The following TXNRD1 variants were observed in gnomAD, a reference collection of about 807,000 sequenced individuals.
TXNRD1 encodes thioredoxin reductase 1, cytoplasmic.
TXNRD1 carries 57 observed loss-of-function variants against 80.3 expected under a neutral mutation model. That is an observed-to-expected ratio of 0.71 (90% CI 0.57 to 0.89). The LOEUF (loss-of-function observed/expected upper bound fraction) is 0.89, where lower values mean the gene tolerates loss of function less well. Ranked by LOEUF, TXNRD1 falls within the 40% of genes least tolerant of loss-of-function variation. The probability of loss-of-function intolerance (pLI) is 0.00; values close to 1 mark genes in which losing one functional copy is unlikely to be tolerated. For synonymous variants in TXNRD1, 291 were observed against 285.2 expected, an observed-to-expected ratio of 1.02 and a Z score of -0.20; for missense variants, 730 against 803.0, an observed-to-expected ratio of 0.91 and a Z score of 1.10.
intron 15 of TXNRD1, among the ~76,000 whole-genome samples, chr12:104,337,321 G>A (rs1247549399): frequency 1.3e-5 from 2 of 151,916 alleles, no homozygotes; most frequent in Non-Finnish European, 2.9e-5. Context: ...TTTCCAGGGA[G>A]TGATGGAACC....
At chr12:104,266,573 CTG>C (rs2033493423) in intron 3 of TXNRD1, among the ~76,000 whole-genome samples, 1 of 150,850 alleles carries the variant, frequency 6.6e-6, no homozygotes, top group African/African-American at 2.4e-5. Flanking sequence ...CGGCTCACGA[CTG>C]TAATCCCAGC....
intron 10 of TXNRD1, among the ~76,000 whole-genome samples, chr12:104,323,660 C>G (rs1339040915): frequency 2.1e-5 from 2 of 93,620 alleles, no homozygotes; most frequent in Admixed American, 9.3e-5. Flanking sequence ...CCGGACGGGG[C>G]GGCTGGCCGG....
At chr12:104,316,889 A>G (rs1439190848) in intron 7 of TXNRD1, among the ~76,000 whole-genome samples, 2 of 152,140 alleles carry the variant, frequency 1.3e-5, no homozygotes, top group Non-Finnish European at 2.9e-5. Context: ...CAGGATAAAC[A>G]TTTTGTGGCT....
intron 1 of TXNRD1, among the ~76,000 whole-genome samples, chr12:104,241,109 G>A (rs977960792): frequency 1.3e-5 from 2 of 150,976 alleles, no homozygotes; most frequent in Non-Finnish European, 2.9e-5. Flanking sequence ...GCATGGTCTC[G>A]GCTCACTGCA....
intron 2 of TXNRD1, among the ~76,000 whole-genome samples, chr12:104,253,763 G>A (rs1242590691): frequency 4.0e-5 from 6 of 151,560 alleles, no homozygotes; most frequent in Admixed American, 2.6e-4. Context: ...GTGTGATCTC[G>A]GCTCGCTGCA....
intron 1 of TXNRD1, among the ~76,000 whole-genome samples, chr12:104,237,896 G>T (rs1054836345): frequency 6.6e-6 from 1 of 151,694 alleles, no homozygotes; most frequent in Non-Finnish European, 1.5e-5. Context: ...CTGTAGTCCC[G>T]GCTACTCGGG....
intron 1 of TXNRD1, among the ~76,000 whole-genome samples, chr12:104,246,370 G>A (rs1167774739): frequency 6.6e-6 from 1 of 151,350 alleles, no homozygotes; most frequent in Non-Finnish European, 1.5e-5. Flanking sequence ...GGAACTTGCA[G>A]TGAGCCAAGA....
chr12:104,256,051 T>A (rs2033242321), intron 2 of TXNRD1, among the ~76,000 whole-genome samples: 1 of 152,200 alleles, frequency 6.6e-6, no homozygotes, highest in African/African-American at 2.4e-5. Context: ...CTGTTCACAT[T>A]TATTTATTTA....
chr12:104,241,419 T>A (rs1010579836), intron 1 of TXNRD1, among the ~76,000 whole-genome samples: 41 of 152,096 alleles, frequency 2.7e-4, no homozygotes, highest in African/African-American at 9.4e-4. Flanking sequence ...TTGCCCAGGC[T>A]GGAGAGCAAT....
chr12:104,329,297 A>T (rs1390552552), intron 13 of TXNRD1, among the ~76,000 whole-genome samples: 1 of 151,626 alleles, frequency 6.6e-6, no homozygotes, highest in Non-Finnish European at 1.5e-5. Flanking sequence ...TCTTAAATTC[A>T]TGTCTCAGTG....
intron 4 of TXNRD1, among the ~76,000 whole-genome samples, chr12:104,291,664 A>G (rs2034220960): frequency 6.6e-6 from 1 of 151,886 alleles, no homozygotes; most frequent in Admixed American, 6.6e-5. Flanking sequence ...TTGTATTTTT[A>G]GTAGAGACAA....
At chr12:104,220,948 A>G (rs1338371302) in intron 1 of TXNRD1, among the ~76,000 whole-genome samples, 2 of 152,326 alleles carry the variant, frequency 1.3e-5, no homozygotes, top group East Asian at 3.9e-4. Flanking sequence ...ATAAATGACT[A>G]TCACAAATCA....
intron 4 of TXNRD1, chr12:104,304,624 C>T (rs777230205): frequency 6.2e-7 from 1 of 1,613,856 alleles, no homozygotes; most frequent in Non-Finnish European, 8.5e-7. Context: ...TGTTGCAAAC[C>T]TACTTTCGAA....
At chr12:104,346,400 A>AG (rs1032614756) in intron 16 of TXNRD1, among the ~76,000 whole-genome samples, 1 of 152,240 alleles carries the variant, frequency 6.6e-6, no homozygotes, top group Admixed American at 6.5e-5. Flanking sequence ...GAAAAAACAG[A>AG]TAAGAGCTCA....
chr12:104,322,374 C>CTTTTTTTTTT (rs58288808), intron 10 of TXNRD1, among the ~76,000 whole-genome samples: 1 of 61,544 alleles, frequency 1.6e-5, no homozygotes, highest in Non-Finnish European at 2.9e-5. Flanking sequence ...TTATTTTTAC[C>CTTTTTTTTTT]TTTTTTTTTT....
intron 5 of TXNRD1, among the ~76,000 whole-genome samples, chr12:104,312,072 A>G (rs1240104515): frequency 6.6e-6 from 1 of 151,922 alleles, no homozygotes; most frequent in Non-Finnish European, 1.5e-5. Flanking sequence ...TTAAGCAAAT[A>G]TATTTCTTAG....
chr12:104,287,500 G>A, intron 3 of TXNRD1: 1 of 1,604,294 alleles, frequency 6.2e-7, no homozygotes, highest in Non-Finnish European at 8.5e-7. Context: ...TGGACTGACA[G>A]ATCCTTGAGA....
At chr12:104,254,644 A>ATATATATATATATATATATATATAT (rs1555207848) in intron 2 of TXNRD1, among the ~76,000 whole-genome samples, 13 of 93,630 alleles carry the variant, frequency 1.4e-4, no homozygotes, top group Admixed American at 2.6e-4. Context: ...AAAAAAAAAA[A>ATATATATATATATATATATATATAT]ATATATATAT....
intron 1 of TXNRD1, among the ~76,000 whole-genome samples, chr12:104,235,780 A>T (rs1328813107): frequency 6.6e-6 from 1 of 152,184 alleles, no homozygotes; most frequent in Admixed American, 6.5e-5. Flanking sequence ...AATGGTCAGT[A>T]ACAAACTTAG....
Sources: gnomAD v4.1 joint callset for allele counts (sites outside exome capture counted in the v4.1 genomes callset) on GRCh38, gnomAD v4.1.1 for gene constraint, MANE v1.5 for transcripts, NCBI Gene and HGNC (gene_info 2026-07-23, HGNC 2026-07-21) for gene names.